TNIK: variants seen among roughly 807,000 people sequenced by gnomAD.
TNIK encodes TRAF2 and NCK interacting kinase.
Under a neutral mutation model 191.3 loss-of-function variants are expected in TNIK, and 49 were observed. The observed-to-expected ratio is 0.26, with a 90% CI of 0.20 to 0.32. TNIK has a LOEUF of 0.32. Ranked by LOEUF, TNIK falls within the 10% of genes least tolerant of loss-of-function variation. TNIK has a pLI of 1.00. For missense variants in TNIK, 1,155 were observed against 1,702.3 expected, an observed-to-expected ratio of 0.68 and a Z score of 5.66; for synonymous variants, 594 against 600.9, an observed-to-expected ratio of 0.99 and a Z score of 0.17.
chr3:171,142,395 A>G lies in TNIK; in HGVS notation c.1222-1886T>C, dbSNP rs189190150. Reference sequence around the variant, plus strand: ...TATAATCACTGCTGAGGATGGAGACACAGCCAAGAGGAATAAAGACTAACA... The same window carrying G: ...TATAATCACTGCTGAGGATGGAGACGCAGCCAAGAGGAATAAAGACTAACA... On this transcript the variant is annotated intron_variant, in intron 12 of 32. Transcript: ENST00000436636. 2.1e-3 allele frequency among the ~76,000 whole-genome samples: 317 copies of G among 152,360 alleles called. 2 individuals carry two copies. The highest frequency in any genetic ancestry group is 2.2e-3 in the Non-Finnish European group (150 of 68,034).
chr3:171,127,209 A>G (rs1246014784), intron 16 of TNIK, among the ~76,000 whole-genome samples: 1 of 152,224 alleles, frequency 6.6e-6, no homozygotes, highest in Non-Finnish European at 1.5e-5. Flanking sequence ...GGACCTGTCA[A>G]ATCCTCTTTG....
chr3:171,392,791 A>G (rs1293355679), intron 1 of TNIK, among the ~76,000 whole-genome samples: 9 of 151,152 alleles, frequency 6.0e-5, no homozygotes, highest in South Asian at 4.2e-4. Flanking sequence ...AAAAAAAAAA[A>G]AAAAGAAAAG....
chr3:171,118,021 A>G (rs1193957506), intron 18 of TNIK, among the ~76,000 whole-genome samples: 2 of 152,214 alleles, frequency 1.3e-5, no homozygotes, highest in Non-Finnish European at 2.9e-5. Flanking sequence ...TGCAGATGAC[A>G]TGATTGTATA....
chr3:171,219,403 CAT>C (rs1742003530), intron 3 of TNIK, among the ~76,000 whole-genome samples: 1 of 149,554 alleles, frequency 6.7e-6, no homozygotes, highest in African/African-American at 2.5e-5. Flanking sequence ...ATATATAACA[CAT>C]AATGCAGCAC....
At chr3:171,317,256 T>A (rs1164790533) in intron 2 of TNIK, among the ~76,000 whole-genome samples, 1 of 152,008 alleles carries the variant, frequency 6.6e-6, no homozygotes, top group Admixed American at 6.6e-5. Context: ...ACAGACCAAG[T>A]ATATTAACAA....
intron 2 of TNIK, among the ~76,000 whole-genome samples, chr3:171,272,774 T>A (rs1450946052): frequency 6.6e-6 from 1 of 152,228 alleles, no homozygotes; most frequent in African/African-American, 2.4e-5. Flanking sequence ...TTTCTTGAGG[T>A]TCTCTGAATT....
intron 22 of TNIK, among the ~76,000 whole-genome samples, chr3:171,094,741 G>A (rs984373535): frequency 1.3e-5 from 2 of 152,126 alleles, no homozygotes; most frequent in Non-Finnish European, 2.9e-5. Flanking sequence ...TGCTTTCTGT[G>A]AGAAGTCTGC....
intron 1 of TNIK, among the ~76,000 whole-genome samples, chr3:171,413,751 A>C (rs1722700869): frequency 6.6e-6 from 1 of 152,222 alleles, no homozygotes; most frequent in Admixed American, 6.5e-5. Flanking sequence ...AACTTGAGAG[A>C]GCACATGGTT....
chr3:171,203,526 T>A (rs1455769647), intron 4 of TNIK, among the ~76,000 whole-genome samples: 1 of 151,858 alleles, frequency 6.6e-6, no homozygotes, highest in African/African-American at 2.4e-5. Flanking sequence ...TATTTCTAGA[T>A]CATTTTATTT....
At chr3:171,307,031 A>G (rs183176325) in intron 2 of TNIK, among the ~76,000 whole-genome samples, 3 of 152,332 alleles carry the variant, frequency 2.0e-5, no homozygotes, top group African/African-American at 7.2e-5. Flanking sequence ...AAAAAGATTT[A>G]GACCGAGAAA....
Position 171,391,426 on chromosome 3 carries a change from G to A in TNIK, c.58-21741C>T, listed in dbSNP as rs561731813. On this transcript the variant is annotated intron_variant, in intron 1 of 32. Coordinates refer to ENST00000436636, the MANE Select transcript of TNIK (RefSeq NM_015028.4). ...CAGGGCATAAATTTTCCTCAGTGAA[G>A]ATGTTCTCTCTTTCCTCTCCCATAC... Among the ~76,000 whole-genome samples the A allele has an allele frequency of 7.4e-4, 113 of 152,286 alleles. 1 individual carries two copies. The highest frequency in any genetic ancestry group is 2.6e-3 in the African/African-American group (109 of 41,562).
chr3:171,223,391 A>AT (rs1191791627), intron 3 of TNIK, among the ~76,000 whole-genome samples: 5 of 152,302 alleles, frequency 3.3e-5, no homozygotes, highest in East Asian at 1.9e-4. Flanking sequence ...GCAAAAGACC[A>AT]TTTTTTTCAT....
At chr3:171,085,406 T>A (rs1721219301) in intron 24 of TNIK, among the ~76,000 whole-genome samples, 177 bp from the exon 25 acceptor site, 1 of 152,222 alleles carries the variant, frequency 6.6e-6, no homozygotes, top group Admixed American at 6.5e-5. Flanking sequence ...TATTGGTTAC[T>A]CACTAGTCAT....
chr3:171,359,444 G>A (rs1268973296), intron 2 of TNIK, among the ~76,000 whole-genome samples: 1 of 152,138 alleles, frequency 6.6e-6, no homozygotes, highest in Non-Finnish European at 1.5e-5. Flanking sequence ...TAGAAAAATT[G>A]TGTAACCAGC....
intron 18 of TNIK, among the ~76,000 whole-genome samples, chr3:171,117,833 G>C (rs1255555685): frequency 6.6e-6 from 1 of 152,132 alleles, no homozygotes; most frequent in African/African-American, 2.4e-5. Flanking sequence ...AGCTGGGCTT[G>C]GTGGTGGGCC....
At chr3:171,164,841 T>C (rs1734412132) in intron 10 of TNIK, among the ~76,000 whole-genome samples, 3 of 152,234 alleles carry the variant, frequency 2.0e-5, no homozygotes, top group South Asian at 4.1e-4. Context: ...TCATGCCTAG[T>C]TCCTCCAGCT....
Position 171,292,019 on chromosome 3 carries a change from T to C in TNIK, c.124-63798A>G, listed in dbSNP as rs565476523. 3.3e-5 allele frequency among the ~76,000 whole-genome samples: 5 copies of C among 152,328 alleles called. No individual in the cohort carries two copies. In the East Asian group the frequency reaches 9.6e-4, roughly 29 times the overall value. ...TCTACTGTGCTATTAATCAAACCCA[T>C]ACAGAGGATTTTTTAAATTTCAGAT... On this transcript the variant is annotated intron_variant, in intron 2 of 32. Coordinates refer to ENST00000436636, the MANE Select transcript of TNIK (RefSeq NM_015028.4).
At chr3:171,448,525 T>G (rs1727786911) in intron 1 of TNIK, among the ~76,000 whole-genome samples, 2 of 152,042 alleles carry the variant, frequency 1.3e-5, no homozygotes, top group African/African-American at 4.8e-5. Flanking sequence ...TGATGGACAC[T>G]TGGGTTGTCT....
At position 171,108,072 on chromosome 3, in the gene TNIK, C is replaced by G. The variant is rs1381127679; in HGVS notation, c.2375G>C (p.Arg792Pro). ...GGAGAGAAAAGCACTCACAGCTGGTCGACTGGGCCGGGTAATGTCCCTGGA... is the reference window on the plus strand; with the variant it reads ...GGAGAGAAAAGCACTCACAGCTGGTGGACTGGGCCGGGTAATGTCCCTGGA... ...EESRDITRPS[R>P]PASYKKAIDE... The change falls in exon 20 of 33, where the codon CGA (arginine) becomes CCA (proline). Residue 792 changes from arginine to proline, a missense_variant. Arg to Pro is a moderately radical substitution (Grantham distance 103). This residue lies in a region of TNIK where 735 missense variants were observed against 848.0 expected (regional missense o/e 0.87). Coordinates refer to ENST00000436636, the MANE Select transcript of TNIK (RefSeq NM_015028.4). 2 of 1,563,328 alleles carry G rather than the reference C, an allele frequency of 1.3e-6. No individual in the cohort carries two copies. The highest frequency in any genetic ancestry group is 2.7e-5 in the African/African-American group (2 of 73,766).
Sources: gnomAD v4.1 joint callset for allele counts (sites outside exome capture counted in the v4.1 genomes callset) on GRCh38, gnomAD v4.1.1 for gene constraint, gnomAD v4.1.1 regional missense constraint, MANE v1.5 for transcripts, NCBI Gene and HGNC (gene_info 2026-07-23, HGNC 2026-07-21) for gene names.